EHD4: variants seen among roughly 807,000 people sequenced by gnomAD.
EHD4 encodes the protein EH domain-containing protein 4.
Under a neutral mutation model 51.0 loss-of-function variants are expected in EHD4, and 37 were observed. The observed-to-expected ratio is 0.73, with a 90% CI of 0.56 to 0.95. EHD4 has a LOEUF of 0.95. Among genes scored for constraint, EHD4 ranks in the 40% least tolerant of loss-of-function variants. The probability of loss-of-function intolerance (pLI) is 0.00; values close to 1 mark genes in which losing one functional copy is unlikely to be tolerated. For missense variants in EHD4, 632 were observed against 733.1 expected, an observed-to-expected ratio of 0.86 and a Z score of 1.59; for synonymous variants, 297 against 317.3, an observed-to-expected ratio of 0.94 and a Z score of 0.68.
chr15:41,931,985 T>C (rs74587848), intron 3 of EHD4, among the ~76,000 whole-genome samples: 14,499 of 149,950 alleles, frequency 0.097, 829 homozygotes, highest in South Asian at 0.26. Flanking sequence ...AGCAATTTCT[T>C]TTTTTTTTTA....
At chr15:41,966,259 C>T (rs547776772) in intron 1 of EHD4, among the ~76,000 whole-genome samples, 2 of 152,226 alleles carry the variant, frequency 1.3e-5, no homozygotes, top group African/African-American at 4.8e-5. Context: ...ACAGGCACAC[C>T]TCTTGGCAAG....
intron 1 of EHD4, among the ~76,000 whole-genome samples, chr15:41,967,092 C>A (rs2067966358): frequency 6.6e-6 from 1 of 152,222 alleles, no homozygotes; most frequent in Non-Finnish European, 1.5e-5. Context: ...TATCATTATG[C>A]CCCATCCTTC....
At chr15:41,938,675 T>C (rs2067747457) in intron 3 of EHD4, among the ~76,000 whole-genome samples, 1 of 152,232 alleles carries the variant, frequency 6.6e-6, no homozygotes, top group Non-Finnish European at 1.5e-5. Flanking sequence ...TAGAGTTATT[T>C]AAATTTTTAA....
intron 3 of EHD4, among the ~76,000 whole-genome samples, chr15:41,939,662 T>C (rs527573832): frequency 1.3e-5 from 2 of 152,184 alleles, no homozygotes; most frequent in African/African-American, 4.8e-5. Context: ...TAGCCAGGCA[T>C]GGTGGCAGGC....
At chr15:41,946,967 C>T (rs1178105763) in intron 2 of EHD4, among the ~76,000 whole-genome samples, 2 of 152,190 alleles carry the variant, frequency 1.3e-5, no homozygotes, top group African/African-American at 2.4e-5. Context: ...GTGTCAGGCA[C>T]AGTTTGAAGT....
chr15:41,939,047 C>T (rs912016752), intron 3 of EHD4, among the ~76,000 whole-genome samples: 5 of 152,168 alleles, frequency 3.3e-5, no homozygotes, highest in Non-Finnish European at 5.9e-5. Context: ...AAATGCTATG[C>T]GTGTGGATAA....
At chr15:41,950,483 T>C (rs999913080) in intron 2 of EHD4, among the ~76,000 whole-genome samples, 1 of 152,262 alleles carries the variant, frequency 6.6e-6, no homozygotes, top group Non-Finnish European at 1.5e-5. Context: ...AAGTATGCTA[T>C]GTGAAAAGAG....
At chr15:41,950,576 A>T (rs2067846428) in intron 2 of EHD4, among the ~76,000 whole-genome samples, 1 of 151,992 alleles carries the variant, frequency 6.6e-6, no homozygotes, top group African/African-American at 2.4e-5. Context: ...TAACTAATTG[A>T]CTCTTTCTTA....
chr15:41,930,347 T>C (rs564994221), intron 3 of EHD4, among the ~76,000 whole-genome samples: 1 of 152,238 alleles, frequency 6.6e-6, no homozygotes, highest in African/African-American at 2.4e-5. Flanking sequence ...TCAGACGGAG[T>C]TGGCGTGGCA....
intron 3 of EHD4, among the ~76,000 whole-genome samples, chr15:41,924,660 T>C (rs1002717905): frequency 1.3e-5 from 2 of 151,862 alleles, no homozygotes; most frequent in African/African-American, 4.8e-5. Flanking sequence ...GGCTGGTGAG[T>C]GGAACAGACA....
chr15:41,903,019 C>A lies in EHD4; in HGVS notation c.1090-1838G>T, dbSNP rs370161422. ...GAGACAAACTTTCTGTGGCTCTGAA[C>A]TGCGAGAGTTACCTAGAGCTTTACA... On this transcript the variant is annotated intron_variant, in intron 5 of 5. Transcript: ENST00000220325. 5.9e-5 allele frequency among the ~76,000 whole-genome samples: 9 copies of A among 151,698 alleles called. 1 individual carries two copies. The South Asian group carries it at 1.9e-3, about 32-fold the overall frequency.
In EHD4 at chr15:41,897,812, G is replaced by A. The variant is rs1489742157; in HGVS notation, c.*2833C>T. The A allele has an allele frequency of 6.6e-6, 1 of 152,248 alleles. No individual in the cohort carries two copies. Among genetic ancestry groups the A allele is most frequent in the East Asian group, 1.9e-4 (1 of 5,196 alleles). The allele number at this position is 152,248 out of a possible 1,614,324, so 9.4% of individuals were successfully genotyped here. On this transcript the variant is annotated 3_prime_UTR_variant, in exon 6 of 6. Coordinates refer to ENST00000220325, the MANE Select transcript of EHD4 (RefSeq NM_139265.4). ...TAGAAAACAGGGCCTCAGCTTCTTA[G>A]ATGTTGTAGTTCTAGAGTTTAGGTA... is the stretch of plus-strand genomic sequence containing the variant.
In EHD4 at chr15:41,897,752, C is replaced by G. The variant is rs757579963; in HGVS notation, c.*2893G>C. The G allele has an allele frequency of 2.0e-5, 3 of 152,186 alleles. No homozygotes were observed. The highest frequency in any genetic ancestry group is 2.1e-4 in the South Asian group (1 of 4,832). The allele number at this position is 152,186 out of a possible 1,614,324, so 9.4% of individuals were successfully genotyped here. On this transcript the variant is annotated 3_prime_UTR_variant, in exon 6 of 6. Coordinates refer to ENST00000220325, the MANE Select transcript of EHD4 (RefSeq NM_139265.4). ...TTCATTTTCCCTTTAAACTCAAGAC[C>G]GGAAGGTTTGTGTTATGCGATACCA...
intron 1 of EHD4, among the ~76,000 whole-genome samples, chr15:41,969,317 C>T (rs113105634): frequency 4.6e-5 from 7 of 152,246 alleles, no homozygotes; most frequent in East Asian, 1.9e-4. Context: ...GAGGCCAAGG[C>T]GGGCAAATCA....
At chr15:41,968,232 C>T (rs1196967909) in intron 1 of EHD4, among the ~76,000 whole-genome samples, 1 of 152,168 alleles carries the variant, frequency 6.6e-6, no homozygotes, top group African/African-American at 2.4e-5. Context: ...CACATGCACC[C>T]CTGCCCCTTT....
Position 41,900,661 on chromosome 15 carries a change from AG to A in EHD4, c.1609del (p.Leu537CysfsTer27). ...GCCCACCCCTCAGTCGGCCTTGGGC[AG>A]GGACTTCCTGTGCGAGGGGGGCACG... ...HLVPPSHRKSLPKAD is the reference protein window; with the variant it reads ...HLVPPSHRKSXPKAD On this transcript the variant is annotated frameshift_variant, in exon 6 of 6. Coordinates refer to ENST00000220325, the MANE Select transcript of EHD4 (RefSeq NM_139265.4). LOFTEE classifies it high-confidence loss of function. The surrounding 1 kb of genome is among the most constrained non-coding windows in gnomAD (Gnocchi z 4.8). The A allele has an allele frequency of 1.3e-6, 2 of 1,593,062 alleles. No homozygotes were observed. Among genetic ancestry groups the A allele is most frequent in the Non-Finnish European group, 1.7e-6 (2 of 1,174,384 alleles).
chr15:41,954,387 A>G (rs567054812), intron 1 of EHD4, among the ~76,000 whole-genome samples: 3 of 152,190 alleles, frequency 2.0e-5, no homozygotes, highest in Non-Finnish European at 2.9e-5. Flanking sequence ...GGCTCAAGGG[A>G]AAAAACCTGC....
chr15:41,956,387 C>T (rs146719724), intron 1 of EHD4, among the ~76,000 whole-genome samples: 20 of 152,286 alleles, frequency 1.3e-4, no homozygotes, highest in African/African-American at 4.6e-4. Context: ...CAGTGAGTCC[C>T]CCAGCTGGAC....
chr15:41,906,661 C>T (rs1465738691), intron 5 of EHD4, among the ~76,000 whole-genome samples: 2 of 152,214 alleles, frequency 1.3e-5, no homozygotes, highest in African/African-American at 2.4e-5. Flanking sequence ...GACTGAGCTG[C>T]TAACATGATG....
Sources: gnomAD v4.1 joint callset for allele counts (sites outside exome capture counted in the v4.1 genomes callset) on GRCh38, gnomAD v4.1.1 for gene constraint, Gnocchi (gnomAD v3.1) non-coding constraint, MANE v1.5 for transcripts, NCBI Gene and HGNC (gene_info 2026-07-23, HGNC 2026-07-21) for gene names.